The following MTFR1 variants were observed in gnomAD, a reference collection of about 807,000 sequenced individuals.
MTFR1 encodes mitochondrial fission regulator 1, also known as chondrocyte protein with a poly-proline region.
A neutral mutation model predicts 38.8 loss-of-function variants in MTFR1; 28 were observed. The ratio of observed to expected loss-of-function variants is 0.72; its 90% CI spans 0.53 to 0.99. MTFR1 has a LOEUF of 0.99. Among genes scored for constraint, MTFR1 ranks in the 50% least tolerant of loss-of-function variants. MTFR1 has a pLI of 0.00. For synonymous variants in MTFR1, 145 were observed against 137.0 expected, an observed-to-expected ratio of 1.06 and a Z score of -0.41; for missense variants, 358 against 395.5, an observed-to-expected ratio of 0.91 and a Z score of 0.81.
At chr8:65,704,144 A>G (rs1353537312) in intron 4 of MTFR1, among the ~76,000 whole-genome samples, 1 of 152,244 alleles carries the variant, frequency 6.6e-6, no homozygotes, top group Non-Finnish European at 1.5e-5. Flanking sequence ...AATTAAAGAC[A>G]GAAAAGTAGT....
intron 1 of MTFR1, among the ~76,000 whole-genome samples, chr8:65,660,476 C>A (rs1034518702): frequency 1.3e-5 from 2 of 152,030 alleles, no homozygotes; most frequent in African/African-American, 4.8e-5. Context: ...CATCACAAAT[C>A]CCTTGAGGGC....
chr8:65,708,534 C>A (rs111357519), intron 7 of MTFR1, among the ~76,000 whole-genome samples: 54 of 152,266 alleles, frequency 3.5e-4, no homozygotes, highest in African/African-American at 1.3e-3. Context: ...GGGTACATTT[C>A]ATGGAAGCTC....
At chr8:65,712,406 A>C (rs1468637269), downstream of MTFR1, among the ~76,000 whole-genome samples, 1 of 152,198 alleles carries the variant, frequency 6.6e-6, no homozygotes, top group East Asian at 1.9e-4. Flanking sequence ...TTTTCCAATC[A>C]GGTTCTCCCT....
At chr8:65,701,372 T>C (rs996465896) in intron 4 of MTFR1, among the ~76,000 whole-genome samples, 4 of 152,238 alleles carry the variant, frequency 2.6e-5, no homozygotes, top group African/African-American at 7.2e-5. Context: ...AAGCCTTTAG[T>C]TGACATCATA....
chr8:65,681,574 T>C (rs1405660988), intron 2 of MTFR1, among the ~76,000 whole-genome samples: 2 of 152,204 alleles, frequency 1.3e-5, no homozygotes, highest in Non-Finnish European at 2.9e-5. Context: ...TGAATAGTTT[T>C]TCCTTTAAAG....
intron 3 of MTFR1, among the ~76,000 whole-genome samples, chr8:65,745,677 TTTTG>T (rs1398027443): frequency 4.6e-5 from 7 of 152,240 alleles, no homozygotes; most frequent in East Asian, 1.9e-4. Context: ...TGAAACATTA[TTTTG>T]TTTTTCAATT....
At chr8:65,766,307 C>T (rs948071696) in intron 3 of MTFR1, among the ~76,000 whole-genome samples, 2 of 152,164 alleles carry the variant, frequency 1.3e-5, no homozygotes, top group Non-Finnish European at 2.9e-5. Context: ...TAATTTAGGA[C>T]TCAAAATATC....
chr8:65,671,056 C>G (rs923926141), intron 2 of MTFR1, among the ~76,000 whole-genome samples: 49 of 152,090 alleles, frequency 3.2e-4, no homozygotes, highest in Non-Finnish European at 3.8e-4. Flanking sequence ...AACTTTGAAT[C>G]TCCCCAACTT....
At chr8:65,664,553 T>G (rs546811828) in intron 1 of MTFR1, among the ~76,000 whole-genome samples, 1 of 152,246 alleles carries the variant, frequency 6.6e-6, no homozygotes, top group South Asian at 2.1e-4. Flanking sequence ...CACTTATGTG[T>G]ATATTTTTCT....
At chr8:65,745,020 T>C (rs1807608486) in intron 3 of MTFR1, among the ~76,000 whole-genome samples, 2 of 152,090 alleles carry the variant, frequency 1.3e-5, no homozygotes, top group South Asian at 2.1e-4. Flanking sequence ...TGGGAGACAA[T>C]TGAATCATGG....
intron 2 of MTFR1, among the ~76,000 whole-genome samples, chr8:65,671,902 A>G (rs1370178876): frequency 6.6e-6 from 1 of 152,238 alleles, no homozygotes; most frequent in African/African-American, 2.4e-5. Context: ...AGTGGCTTGT[A>G]CAGTGTAGAT....
downstream of MTFR1, among the ~76,000 whole-genome samples, chr8:65,711,422 C>A (rs925189829): frequency 1.3e-5 from 2 of 152,182 alleles, no homozygotes; most frequent in Non-Finnish European, 2.9e-5. Flanking sequence ...AATAGAAGTT[C>A]TCTCTGTGGG....
At chr8:65,762,630 C>G (rs1290754169) in intron 3 of MTFR1, among the ~76,000 whole-genome samples, 3 of 152,128 alleles carry the variant, frequency 2.0e-5, no homozygotes, top group African/African-American at 7.2e-5. Flanking sequence ...TATGTCTTTG[C>G]ACATTTTTGG....
At chr8:65,753,068 T>C (rs561802313) in intron 3 of MTFR1, among the ~76,000 whole-genome samples, 32 of 152,352 alleles carry the variant, frequency 2.1e-4, no homozygotes, top group African/African-American at 7.5e-4. Flanking sequence ...TATTGTTTAA[T>C]TTAATTTTTT....
chr8:65,702,075 G>A (rs1450500322), intron 4 of MTFR1, among the ~76,000 whole-genome samples: 1 of 152,112 alleles, frequency 6.6e-6, no homozygotes, highest in Non-Finnish European at 1.5e-5. Flanking sequence ...TAAAACAACA[G>A]AAGGGTTGTG....
intron 3 of MTFR1, among the ~76,000 whole-genome samples, chr8:65,741,141 A>G (rs1410528146): frequency 6.6e-6 from 1 of 152,200 alleles, no homozygotes; most frequent in Non-Finnish European, 1.5e-5. Flanking sequence ...GTAAACTTCC[A>G]TAGGACACAT....
chr8:65,728,527 A>T (rs1806701534), intron 3 of MTFR1: 1 of 152,188 alleles, frequency 6.6e-6, no homozygotes, highest in South Asian at 2.1e-4. Context: ...AAGGTCAATG[A>T]ATAGGAGAAG....
At chr8:65,684,086 G>C (rs1462864572) in intron 3 of MTFR1, among the ~76,000 whole-genome samples, 2 of 152,172 alleles carry the variant, frequency 1.3e-5, no homozygotes, top group Non-Finnish European at 2.9e-5. Flanking sequence ...TAGAGACGTA[G>C]AGATATCTAA....
intron 3 of MTFR1, among the ~76,000 whole-genome samples, chr8:65,685,195 C>A (rs1396231957): frequency 6.6e-6 from 1 of 152,042 alleles, no homozygotes; most frequent in African/African-American, 2.4e-5. Flanking sequence ...CATTTAGGGG[C>A]TAACTGATGT....
Sources: allele counts gnomAD v4.1 joint callset (sites outside exome capture counted in the v4.1 genomes callset), GRCh38; gene constraint gnomAD v4.1.1; transcripts MANE v1.5; gene names NCBI Gene and HGNC (gene_info 2026-07-23, HGNC 2026-07-21).